Variants in ACAN observed in about 807,000 individuals in gnomAD.
The protein encoded by ACAN is aggrecan.
In ACAN, 47 loss-of-function variants were observed where a neutral mutation model predicts 169.1. The observed-to-expected ratio is 0.28, with a 90% CI of 0.22 to 0.35. The LOEUF is 0.35. Ranked by LOEUF, ACAN falls within the 10% of genes least tolerant of loss-of-function variation. ACAN has a pLI of 1.00. For synonymous variants in ACAN, 1,115 were observed against 1,112.2 expected (o/e 1.00, Z -0.05); for missense variants, 2,716 against 2,759.9 (o/e 0.98, Z 0.36).
chr15:88,809,609 T>C (rs1386960608), intron 1 of ACAN, among the ~76,000 whole-genome samples: 4 of 152,236 alleles, frequency 2.6e-5, no homozygotes, highest in Admixed American at 1.3e-4. Flanking sequence ...GAATACCCAG[T>C]TGGGCAATCC....
chr15:88,874,861 T>C lies in ACAN; in HGVS notation c.*380T>C, dbSNP rs1897474659. 1 of 353,416 alleles carries C rather than the reference T, an allele frequency of 2.8e-6. No homozygotes were observed. Among genetic ancestry groups the C allele is most frequent in the Non-Finnish European group, 5.5e-6 (1 of 180,876 alleles). The allele number at this position is 353,416 out of a possible 1,614,324, so 21.9% of individuals were successfully genotyped here. ...ACTTTATCCAAGAGCAGTGCAATCG[T>C]TGGTTATTTCACCTCCAGGGAGAGC... On this transcript the variant is annotated 3_prime_UTR_variant, in exon 19 of 19. Transcript: ENST00000560601. This position sits in a 1 kb window ranked among gnomAD's most constrained non-coding sequence, Gnocchi z 7.3.
Position 88,807,164 on chromosome 15 carries a change from G to C in ACAN, c.-8+3355G>C, listed in dbSNP as rs1895703183. On this transcript the variant is annotated intron_variant, in intron 1 of 18. Coordinates refer to ENST00000560601, the MANE Select transcript of ACAN (RefSeq NM_001369268.1). The surrounding 1 kb of genome is among the most constrained non-coding windows in gnomAD (Gnocchi z 4.0). ...CACCAAGTGCTGGGGAGTCAAGGCAGCTGAGGTGGAAGCTGGAGTTGGGGA... is the reference window on the plus strand; with the variant it reads ...CACCAAGTGCTGGGGAGTCAAGGCACCTGAGGTGGAAGCTGGAGTTGGGGA... Among the ~76,000 whole-genome samples the C allele has an allele frequency of 6.6e-6, 1 of 152,166 alleles. No individual in the cohort carries two copies.
In ACAN at chr15:88,873,141, C is replaced by A; in HGVS notation, c.7447+116C>A. 7.5e-7 allele frequency: 1 copy of A among 1,338,598 alleles called. No homozygotes were observed. 82.9% of individuals were successfully genotyped at this position (1,338,598 alleles called of 1,614,324 possible). A position where few individuals can be genotyped will look rare whatever the true frequency, so the allele number is the denominator to read the frequency against. ...CCTTGTCTTCTGGCTGCTGGTGTCT[C>A]CTCACTTGTCCAAAAGGCAGACTGG... On this transcript the variant is annotated intron_variant, in intron 17 of 18. Transcript: ENST00000560601. The surrounding 1 kb of genome is among the most constrained non-coding windows in gnomAD (Gnocchi z 7.5).
intron 7 of ACAN, 96 bp from the exon 8 acceptor site, chr15:88,847,147 C>A: frequency 7.8e-7 from 1 of 1,282,592 alleles, no homozygotes; most frequent in Non-Finnish European, 1.1e-6. Context: ...TCCAATATGT[C>A]AGGCAGCAGG....
intron 1 of ACAN, among the ~76,000 whole-genome samples, chr15:88,809,279 C>T (rs1377878030): frequency 6.6e-6 from 1 of 152,082 alleles, no homozygotes; most frequent in Non-Finnish European, 1.5e-5. Context: ...CATCTCCCTC[C>T]AGTGTGTGTG....
rs1019911004 is a variant in ACAN at position 88,869,196 on chromosome 15, A to G, written c.7060+867A>G. On this transcript the variant is annotated intron_variant, in intron 14 of 18. Transcript: ENST00000560601. The surrounding 1 kb of genome is among the most constrained non-coding windows in gnomAD (Gnocchi z 4.2). ...GATTTCCCAGCTCAGAAAAGGGGAG[A>G]TGAGACCTTTGGATACTTGTCTCAG... 1.3e-5 allele frequency among the ~76,000 whole-genome samples: 2 copies of G among 152,058 alleles called. No homozygotes were observed. The highest frequency in any genetic ancestry group is 2.4e-5 in the African/African-American group (1 of 41,386).
At chr15:88,815,732 G>A (rs1332038456) in intron 1 of ACAN, among the ~76,000 whole-genome samples, 4 of 148,940 alleles carry the variant, frequency 2.7e-5, no homozygotes, top group African/African-American at 1.0e-4. Flanking sequence ...AGAAATCTAA[G>A]CGACCCTGAG....
At chr15:88,850,233 C>T (rs1033827633) in intron 10 of ACAN, 6 of 205,782 alleles carry the variant, frequency 2.9e-5, no homozygotes, top group African/African-American at 6.9e-5. Context: ...GTCAAATTCT[C>T]TCCTGCTTGC....
Position 88,847,964 on chromosome 15 carries a change from C to G in ACAN, c.1658C>G (p.Pro553Arg), listed in dbSNP as rs1349626660. The change falls in exon 9 of 19, where the codon CCA becomes CGA. Residue 553 changes from proline (P) to arginine (R), a missense_variant. This residue lies in a region of ACAN where 1,283 missense variants were observed against 1,281.5 expected (regional missense o/e 1.00). Transcript: ENST00000560601. ...TPCVGDKDSS[P>R]GVRTYGVRPS... The stretch of plus-strand genomic sequence containing the variant: ...TGCGTGGGTGACAAGGACAGCAGCC[C>G]AGGGGTCAGGACCTATGGCGTGCGC... 1 of 1,613,896 alleles carries G rather than the reference C, an allele frequency of 6.2e-7. No individual in the cohort carries two copies. Among genetic ancestry groups the G allele is most frequent in the Non-Finnish European group, 8.5e-7 (1 of 1,179,882 alleles).
In ACAN at chr15:88,874,173, G is replaced by A. The variant is rs1276612998; in HGVS notation, c.7630+149G>A. On this transcript the variant is annotated intron_variant, in intron 18 of 18. Transcript: ENST00000560601. This position sits in a 1 kb window ranked among gnomAD's most constrained non-coding sequence, Gnocchi z 7.3. ...GGGGGCTGCTCAGTCACAAATAGCTGACCACTGCCCTTAGAAGGGCCACGT... is the reference window on the plus strand; with the variant it reads ...GGGGGCTGCTCAGTCACAAATAGCTAACCACTGCCCTTAGAAGGGCCACGT... 3 of 1,172,106 alleles carry A rather than the reference G, an allele frequency of 2.6e-6. No individual in the cohort carries two copies. The highest frequency in any genetic ancestry group is 2.4e-6 in the Non-Finnish European group (2 of 816,814). 72.6% of individuals were successfully genotyped at this position (1,172,106 alleles called of 1,614,324 possible).
Position 88,848,350 on chromosome 15 carries a change from C to A in ACAN, c.1732+312C>A, listed in dbSNP as rs28605018. Among the ~76,000 whole-genome samples the A allele has an allele frequency of 0.078, 11,933 of 152,288 alleles. 946 individuals carry two copies. Among genetic ancestry groups the A allele is most frequent in the African/African-American group, 0.2 (8,508 of 41,532 alleles). On this transcript the variant is annotated intron_variant, in intron 9 of 18. Transcript: ENST00000560601. ...TAAATAAACGCTATATACACCAACT[C>A]CTTCTTGGAGAGTCCCAATGCCTGG...
In ACAN at chr15:88,859,016, C is replaced by G. The variant is rs1226384388; in HGVS notation, c.6431C>G (p.Ser2144Cys). The G allele has an allele frequency of 1.9e-6, 3 of 1,613,852 alleles. No individual in the cohort carries two copies. The African/African-American group carries it at 4.0e-5, about 22-fold the overall frequency. Residue 2144 changes from serine (S) to cysteine (C), a missense_variant, in exon 12 of 19, where the codon TCC (serine) becomes TGC (cysteine). This residue lies in a region of ACAN where 1,389 missense variants were observed against 1,363.7 expected (regional missense o/e 1.02). Transcript: ENST00000560601. ...TTCCACGAAGCTAACCTTGAGAGAT[C>G]CTCTGGCCTAGGAGTGAGCGGCAGC... ...SAFHEANLERSSGLGVSGSTL... is the reference protein window; with the variant it reads ...SAFHEANLERCSGLGVSGSTL...
chr15:88,865,057 A>C (rs540812417), intron 13 of ACAN, among the ~76,000 whole-genome samples: 8 of 152,318 alleles, frequency 5.3e-5, no homozygotes, highest in African/African-American at 1.9e-4. Context: ...CAACCACGTG[A>C]TGCTTTGCAA....
intron 13 of ACAN, among the ~76,000 whole-genome samples, chr15:88,862,905 G>A (rs1414605227): frequency 1.5e-4 from 23 of 151,618 alleles, no homozygotes; most frequent in African/African-American, 4.9e-5. Flanking sequence ...GGCTGAGGCA[G>A]GAGAACTGTT....
intron 1 of ACAN, among the ~76,000 whole-genome samples, chr15:88,811,283 GC>G (rs1002195177): frequency 4.6e-5 from 7 of 152,188 alleles, no homozygotes; most frequent in Non-Finnish European, 1.0e-4. Flanking sequence ...TGACCGTGAA[GC>G]TTTTTTTTCC....
rs1200069731 is a variant in ACAN at position 88,826,399 on chromosome 15, C to T, written c.-7-9801C>T. Among the ~76,000 whole-genome samples, 16 of 146,378 alleles carry T rather than the reference C, an allele frequency of 1.1e-4. 1 individual carries two copies. The East Asian group carries it at 2.8e-3, about 26-fold the overall frequency. On this transcript the variant is annotated intron_variant, in intron 1 of 18. Coordinates refer to ENST00000560601, the MANE Select transcript of ACAN (RefSeq NM_001369268.1). ...CTTTTTTTTTTTTTTTTTTTGGAGC[C>T]CCTGGGAAATTTGCCTGAAGGACAC...
In ACAN at chr15:88,814,650, C is replaced by G. The variant is rs565807684; in HGVS notation, c.-8+10841C>G. Among the ~76,000 whole-genome samples the G allele has an allele frequency of 6.6e-6, 1 of 152,206 alleles. No individual in the cohort carries two copies. Among genetic ancestry groups the G allele is most frequent in the Non-Finnish European group, 1.5e-5 (1 of 68,036 alleles). The stretch of plus-strand genomic sequence containing the variant: ...TTGTGGTCCATGGGAATAGCGACTC[C>G]TCGAGTTGTGCCAGTGTGCAGCCTT... On this transcript the variant is annotated intron_variant, in intron 1 of 18. Transcript: ENST00000560601. The surrounding 1 kb of genome is among the most constrained non-coding windows in gnomAD (Gnocchi z 4.0).
At chr15:88,842,435 C>A (rs140451561) in intron 5 of ACAN, among the ~76,000 whole-genome samples, 1 of 152,138 alleles carries the variant, frequency 6.6e-6, no homozygotes, top group Non-Finnish European at 1.5e-5. Context: ...GGATGACACC[C>A]TTTCCCCCAT....
At chr15:88,812,775 T>G (rs1309963536) in intron 1 of ACAN, among the ~76,000 whole-genome samples, 1 of 152,112 alleles carries the variant, frequency 6.6e-6, no homozygotes, top group East Asian at 1.9e-4. Flanking sequence ...TTCTGGCTGG[T>G]CAGTTTCCTT....
Sources: allele counts gnomAD v4.1 joint callset (sites outside exome capture counted in the v4.1 genomes callset), GRCh38; gene constraint gnomAD v4.1.1; regional missense constraint gnomAD v4.1.1; non-coding constraint Gnocchi (gnomAD v3.1); transcripts MANE v1.5; gene names NCBI Gene and HGNC (gene_info 2026-07-23, HGNC 2026-07-21).